The following HYDIN variants were observed in gnomAD, a reference collection of about 807,000 sequenced individuals.
HYDIN encodes HYDIN axonemal central pair apparatus protein.
Under a neutral mutation model 403.9 loss-of-function variants are expected in HYDIN, and 132 were observed. The observed-to-expected ratio is 0.33, with a 90% confidence interval of 0.28 to 0.38. The LOEUF (loss-of-function observed/expected upper bound fraction) is 0.38. Among genes scored for constraint, HYDIN ranks in the 10% least tolerant of loss-of-function variants. The pLI, the probability that HYDIN is intolerant of heterozygous loss-of-function variation, is 1.00. For missense variants in HYDIN, 2,827 were observed against 5,009.5 expected (o/e 0.56, Z 13.15); for synonymous variants, 1,202 against 1,891.7 (o/e 0.64, Z 9.46).
intron 45 of HYDIN, among the ~76,000 whole-genome samples, chr16:70,923,362 G>A (rs892030314): frequency 5.0e-5 from 7 of 140,502 alleles, no homozygotes; most frequent in Non-Finnish European, 9.3e-5. Flanking sequence ...CAGCTACTTG[G>A]GAGGGTGAGG....
chr16:71,187,886 C>G (rs1184389641), intron 1 of HYDIN, among the ~76,000 whole-genome samples: 2 of 152,092 alleles, frequency 1.3e-5, no homozygotes, highest in African/African-American at 4.8e-5. Context: ...AGAAGACAGT[C>G]AAGGAAGATC....
chr16:71,201,449 T>C (rs2088006560), intron 1 of HYDIN, among the ~76,000 whole-genome samples: 1 of 152,196 alleles, frequency 6.6e-6, no homozygotes, highest in Non-Finnish European at 1.5e-5. Context: ...AACAATGTCA[T>C]GGGTTTCCCT....
chr16:70,960,723 C>T (rs1157514417), intron 38 of HYDIN, among the ~76,000 whole-genome samples: 10 of 152,162 alleles, frequency 6.6e-5, no homozygotes, highest in African/African-American at 9.7e-5. Flanking sequence ...GATGGCATCT[C>T]GCTCTGTTGC....
chr16:71,056,802 G>C (rs1001132851), intron 18 of HYDIN, among the ~76,000 whole-genome samples: 1 of 150,712 alleles, frequency 6.6e-6, no homozygotes, highest in Non-Finnish European at 1.5e-5. Flanking sequence ...AGTAATTCCT[G>C]TAAGAATGCA....
intron 17 of HYDIN, among the ~76,000 whole-genome samples, chr16:71,060,958 CACTT>C (rs1234931583): frequency 8.0e-6 from 1 of 125,218 alleles, no homozygotes; most frequent in African/African-American, 3.0e-5. Flanking sequence ...GCCTCAATGA[CACTT>C]AGTACGGGGT....
intron 27 of HYDIN, among the ~76,000 whole-genome samples, 189 bp from the exon 28 acceptor site, chr16:70,985,511 C>T (rs1441317599): frequency 1.3e-5 from 2 of 152,168 alleles, no homozygotes; most frequent in Admixed American, 1.3e-4. Flanking sequence ...CTTAGTTCTT[C>T]TAAGAACCGA....
rs1390493202 is a variant in HYDIN at position 70,944,100 on chromosome 16, T to G, written c.6532-151A>C. 1.9e-5 allele frequency: 12 copies of G among 637,998 alleles called. No individual in the cohort carries two copies. The South Asian group carries it at 2.1e-4, about 11-fold the overall frequency. The allele number at this position is 637,998 out of a possible 1,614,324, so 39.5% of individuals were successfully genotyped here. A position where few individuals can be genotyped will look rare whatever the true frequency, so the allele number is the denominator to read the frequency against. On this transcript the variant is annotated intron_variant, in intron 41 of 85. Coordinates refer to ENST00000393567, the MANE Select transcript of HYDIN (RefSeq NM_001270974.2). ...ACTGCATTATAAAATGGAAGGACCCTGTCTTCCTTAAAGAACCACTGTAAG... is the reference window on the plus strand; with the variant it reads ...ACTGCATTATAAAATGGAAGGACCCGGTCTTCCTTAAAGAACCACTGTAAG...
chr16:71,133,508 A>G (rs1426391178), intron 8 of HYDIN, among the ~76,000 whole-genome samples: 5 of 152,236 alleles, frequency 3.3e-5, no homozygotes, highest in Admixed American at 6.5e-5. Context: ...GATTTATCTA[A>G]GGAAACATGT....
At chr16:70,816,345 A>G (rs1208034010) in intron 84 of HYDIN, among the ~76,000 whole-genome samples, 1 of 151,948 alleles carries the variant, frequency 6.6e-6, no homozygotes, top group Non-Finnish European at 1.5e-5. Context: ...ACCATTAGTT[A>G]AAAAAGAAGT....
At chr16:71,026,363 C>G (rs1490448859) in intron 20 of HYDIN, among the ~76,000 whole-genome samples, 1 of 152,154 alleles carries the variant, frequency 6.6e-6, no homozygotes, top group African/African-American at 2.4e-5. Context: ...GATGTTAATG[C>G]ATTCCAGTCT....
intron 21 of HYDIN, 80 bp from the exon 22 acceptor site, chr16:71,020,397 G>A (rs2080439047): frequency 4.0e-6 from 6 of 1,501,532 alleles, no homozygotes; most frequent in Non-Finnish European, 4.5e-6. Flanking sequence ...CAGGTTCATT[G>A]TTTAGAACAA....
At chr16:71,223,552 G>A (rs570524703) in intron 1 of HYDIN, among the ~76,000 whole-genome samples, 2 of 152,058 alleles carry the variant, frequency 1.3e-5, no homozygotes, top group Admixed American at 6.5e-5. Context: ...CACAGGGTGG[G>A]AGAAAGTATT....
intron 14 of HYDIN, among the ~76,000 whole-genome samples, 172 bp from the exon 15 acceptor site, chr16:71,067,562 A>T (rs2082318058): frequency 1.4e-5 from 2 of 148,062 alleles, no homozygotes; most frequent in South Asian, 4.3e-4. Flanking sequence ...GGGCATGCTG[A>T]GTGTTTTCAA....
chr16:71,082,731 A>T (rs1247757471), intron 12 of HYDIN, among the ~76,000 whole-genome samples: 1 of 111,714 alleles, frequency 9.0e-6, no homozygotes, highest in Non-Finnish European at 1.7e-5. Context: ...GACATGCACG[A>T]CTACTCTGGG....
chr16:71,084,513 A>T (rs1251540504), intron 12 of HYDIN, among the ~76,000 whole-genome samples: 1 of 151,294 alleles, frequency 6.6e-6, no homozygotes, highest in East Asian at 1.9e-4. Context: ...CAGCCTCTCA[A>T]GTAGCTGGAA....
chr16:70,904,940 C>T (rs1016805676), intron 50 of HYDIN, among the ~76,000 whole-genome samples: 4 of 152,084 alleles, frequency 2.6e-5, no homozygotes, highest in African/African-American at 9.6e-5. Flanking sequence ...GTTTCTGTTC[C>T]TTAGTACCTT....
At chr16:71,206,065 G>A (rs7185319) in intron 1 of HYDIN, among the ~76,000 whole-genome samples, 7,408 of 152,236 alleles carry the variant, frequency 0.049, 614 homozygotes, top group African/African-American at 0.17. Context: ...CAGTAGGGCT[G>A]GCAATCCTAC....
rs77569469 is a variant in HYDIN, at chr16:71,181,744, T to C, written c.262-2697A>G. On this transcript the variant is annotated intron_variant, in intron 3 of 85. Transcript: ENST00000393567. The stretch of plus-strand genomic sequence containing the variant: ...AATTCATGTCTTCATTCAATAAATA[T>C]TGAGTTTCCAACATGTGCCACGTTC... Among the ~76,000 whole-genome samples, 2,422 of 152,274 alleles carry C rather than the reference T, an allele frequency of 0.016. 142 individuals are homozygous for C. In the East Asian group the frequency reaches 0.16, roughly 10 times the overall value.
rs1157009702 is a variant in HYDIN at position 71,178,960 on chromosome 16, CA to C, written c.348del (p.Tyr116Ter). 6.2e-7 allele frequency: 1 copy of C among 1,612,268 alleles called. No homozygotes were observed. The highest frequency in any genetic ancestry group is 1.1e-5 in the South Asian group (1 of 90,928). ...IFQNYTPCEVYEVPLILRNND... is the reference protein window; with the variant it reads ...IFQNYTPCEVXEVPLILRNND... Reference sequence around the variant, plus strand: ...TTGTTCCTCAAAATCAGTGGAACTTCATAGACTTCACAGGGAGTGTAGTTCT... The same window carrying C: ...TTGTTCCTCAAAATCAGTGGAACTTCTAGACTTCACAGGGAGTGTAGTTCT... On this transcript the variant is annotated frameshift_variant, in exon 4 of 86. Transcript: ENST00000393567. LOFTEE classifies it high-confidence loss of function.
Sources: gnomAD v4.1 joint callset for allele counts (sites outside exome capture counted in the v4.1 genomes callset) on GRCh38, gnomAD v4.1.1 for gene constraint, MANE v1.5 for transcripts, NCBI Gene and HGNC (gene_info 2026-07-23, HGNC 2026-07-21) for gene names.